The following JPH3 variants were observed in gnomAD, a reference collection of about 807,000 sequenced individuals.
JPH3 encodes junctophilin 3, also known as junctophilin-3.
A neutral mutation model predicts 59.6 loss-of-function variants in JPH3; 11 were observed. The ratio of observed to expected loss-of-function variants is 0.18; its 90% confidence interval spans 0.12 to 0.31. JPH3 has a LOEUF of 0.31. Among genes scored for constraint, JPH3 ranks in the 10% least tolerant of loss-of-function variants. The pLI is 1.00. For synonymous variants in JPH3, 673 were observed against 483.6 expected, an observed-to-expected ratio of 1.39 and a Z score of -5.14; for missense variants, 1,202 against 1,105.7, an observed-to-expected ratio of 1.09 and a Z score of -1.24.
rs1567583320 is a variant in JPH3, at chr16:87,616,229, TGTGTGTGTA to T, written c.382+12702_382+12710del. On this transcript the variant is annotated intron_variant, in intron 1 of 4. Transcript: ENST00000284262. The stretch of plus-strand genomic sequence containing the variant: ...GTGTGTGTGTGTGTGTGTGTGTGTG[TGTGTGTGTA>T]TTTTTTTTTTTTTGAGACAGAGTCT... Among the ~76,000 whole-genome samples, 418 of 145,896 alleles carry T rather than the reference TGTGTGTGTA, an allele frequency of 2.9e-3. 4 individuals are homozygous for T. Among genetic ancestry groups the T allele is most frequent in the Admixed American group, 8.6e-3 (126 of 14,720 alleles).
intron 2 of JPH3, among the ~76,000 whole-genome samples, chr16:87,670,734 T>G (rs1479299868): frequency 6.6e-6 from 1 of 152,220 alleles, no homozygotes; most frequent in Non-Finnish European, 1.5e-5. Flanking sequence ...GATGTGTCAC[T>G]TCAACAGGGG....
chr16:87,606,751 G>A (rs1377055769), intron 1 of JPH3, among the ~76,000 whole-genome samples: 1 of 152,102 alleles, frequency 6.6e-6, no homozygotes, highest in Non-Finnish European at 1.5e-5. Flanking sequence ...CAGTTTCCAG[G>A]CAATGCATGT....
At chr16:87,636,831 G>T (rs2031765570) in intron 1 of JPH3, among the ~76,000 whole-genome samples, 1 of 152,236 alleles carries the variant, frequency 6.6e-6, no homozygotes, top group African/African-American at 2.4e-5. Context: ...AAACCTAGAG[G>T]TGGGTGCGAT....
intron 2 of JPH3, among the ~76,000 whole-genome samples, chr16:87,645,824 C>A (rs1488949768): frequency 6.6e-6 from 1 of 152,162 alleles, no homozygotes; most frequent in Non-Finnish European, 1.5e-5. Flanking sequence ...CTGGCAGGAG[C>A]CACCTGCTGC....
intron 4 of JPH3, among the ~76,000 whole-genome samples, chr16:87,692,205 C>CCG (rs879410695): frequency 3.5e-3 from 524 of 151,090 alleles, no homozygotes; most frequent in South Asian, 0.011. Flanking sequence ...GTTTCCCTCC[C>CCG]TGTCTCCCTC....
intron 2 of JPH3, among the ~76,000 whole-genome samples, chr16:87,656,771 C>T (rs993151260): frequency 2.0e-5 from 3 of 152,160 alleles, no homozygotes; most frequent in Non-Finnish European, 4.4e-5. Flanking sequence ...CCTTGTGGCT[C>T]AGCTTGGACT....
intron 2 of JPH3, among the ~76,000 whole-genome samples, chr16:87,658,381 T>TCCCTTTCTCTTTTC (rs2032579667): frequency 6.7e-6 from 1 of 150,072 alleles, no homozygotes; most frequent in African/African-American, 2.5e-5. Flanking sequence ...CCTCTCTTTT[T>TCCCTTTCTCTTTTC]CCCTTTCTCT....
chr16:87,656,722 T>A (rs541084189), intron 2 of JPH3, among the ~76,000 whole-genome samples: 1 of 152,286 alleles, frequency 6.6e-6, no homozygotes, highest in African/African-American at 2.4e-5. Flanking sequence ...GCCATGGGCA[T>A]GTGCTCGTCT....
rs369747988 is a variant in JPH3, at chr16:87,686,294, G to T, written c.1285+2028G>T. 1.1e-3 allele frequency among the ~76,000 whole-genome samples: 162 copies of T among 150,180 alleles called. 2 individuals carry two copies. The South Asian group carries it at 0.016, about 15-fold the overall frequency. On this transcript the variant is annotated intron_variant, in intron 3 of 4. Transcript: ENST00000284262. Reference sequence around the variant, plus strand: ...GCTTCCTGGAGGGCTCAGTCCTGGAGTCAGAGGAGATGCTTCCTGGAGGGC... The same window carrying T: ...GCTTCCTGGAGGGCTCAGTCCTGGATTCAGAGGAGATGCTTCCTGGAGGGC...
intron 1 of JPH3, among the ~76,000 whole-genome samples, chr16:87,615,572 T>C (rs2030925768): frequency 6.6e-6 from 1 of 152,102 alleles, no homozygotes; most frequent in African/African-American, 2.4e-5. Context: ...GGAAGCAGGC[T>C]CAGAGATGCA....
rs1169874792 is a variant in JPH3 at position 87,653,031 on chromosome 16, G to T, written c.1160+7996G>T. ...GGGGAAGTTGGGGCCTGGTTGCTGA[G>T]GAGGGCAGTGCGTGGTCTCCAAGCC... On this transcript the variant is annotated intron_variant, in intron 2 of 4. Transcript: ENST00000284262. 3.0e-4 allele frequency among the ~76,000 whole-genome samples: 46 copies of T among 152,124 alleles called. 1 individual carries two copies. The highest frequency in any genetic ancestry group is 3.0e-3 in the Admixed American group (46 of 15,274).
At chr16:87,662,594 C>A (rs2032740097) in intron 2 of JPH3, among the ~76,000 whole-genome samples, 1 of 152,216 alleles carries the variant, frequency 6.6e-6, no homozygotes, top group African/African-American at 2.4e-5. Flanking sequence ...GCTCTGCCCT[C>A]CTTTCCTGGC....
chr16:87,660,553 C>T (rs9924812), intron 2 of JPH3, among the ~76,000 whole-genome samples: 75,888 of 152,004 alleles, frequency 0.5, 19,189 homozygotes, highest in Non-Finnish European at 0.53. Flanking sequence ...TAGCACAGAC[C>T]AGTACACCAG....
At chr16:87,693,073 A>G (rs1284828129) in intron 4 of JPH3, among the ~76,000 whole-genome samples, 1 of 152,240 alleles carries the variant, frequency 6.6e-6, no homozygotes, top group African/African-American at 2.4e-5. Flanking sequence ...CATGGGGCCC[A>G]AGACTCACAA....
chr16:87,667,255 C>T (rs1314470691), intron 2 of JPH3, among the ~76,000 whole-genome samples: 2 of 152,208 alleles, frequency 1.3e-5, no homozygotes, highest in African/African-American at 2.4e-5. Flanking sequence ...CCGAGGATGC[C>T]CTCTTCTCAA....
intron 4 of JPH3, among the ~76,000 whole-genome samples, chr16:87,692,368 G>T (rs1409178674): frequency 6.6e-6 from 1 of 152,214 alleles, no homozygotes; most frequent in Non-Finnish European, 1.5e-5. Context: ...CATGTCAGGG[G>T]ACAGGTGTCA....
Position 87,603,514 on chromosome 16 carries a change from C to G in JPH3, c.368C>G (p.Thr123Ser), listed in dbSNP as rs1377300378. Reference protein sequence around the residue: ...NGLQDGYGTETYSDGGTYQGQ... With the variant: ...NGLQDGYGTESYSDGGTYQGQ... Reference sequence around the variant, plus strand: ...CTGCAGGACGGCTACGGGACCGAGACCTACTCGGACGGAGGTAGGTGCCGC... The same window carrying G: ...CTGCAGGACGGCTACGGGACCGAGAGCTACTCGGACGGAGGTAGGTGCCGC... The change falls in exon 1 of 5, where the codon ACC becomes AGC. Residue 123 changes from threonine to serine, a missense_variant. Transcript: ENST00000284262. 4 of 1,547,220 alleles carry G rather than the reference C, an allele frequency of 2.6e-6. No individual in the cohort carries two copies. The East Asian group carries it at 7.4e-5, about 29-fold the overall frequency.
intron 2 of JPH3, among the ~76,000 whole-genome samples, chr16:87,655,285 A>C (rs949756878): frequency 2.6e-5 from 4 of 152,180 alleles, no homozygotes; most frequent in Admixed American, 6.5e-5. Flanking sequence ...CCACCAGGGA[A>C]AATGGCTTCA....
chr16:87,622,644 A>G (rs1449714503), intron 1 of JPH3, among the ~76,000 whole-genome samples: 1 of 152,004 alleles, frequency 6.6e-6, no homozygotes, highest in African/African-American at 2.4e-5. Flanking sequence ...AAGTTCCATG[A>G]GGAACTGAGG....
Sources: allele counts gnomAD v4.1 joint callset (sites outside exome capture counted in the v4.1 genomes callset), GRCh38; gene constraint gnomAD v4.1.1; transcripts MANE v1.5; gene names NCBI Gene and HGNC (gene_info 2026-07-23, HGNC 2026-07-21).